ZBTB2: variants seen among roughly 807,000 people sequenced by gnomAD.
The protein encoded by ZBTB2 is zinc finger and BTB domain-containing protein 2.
Under a neutral mutation model 39.5 loss-of-function variants are expected in ZBTB2, and 2 were observed. That is an observed-to-expected ratio of 0.05 (90% CI 0.02 to 0.16). ZBTB2 has a LOEUF of 0.16. Among genes scored for constraint, ZBTB2 ranks in the 10% least tolerant of loss-of-function variants. ZBTB2 has a pLI of 1.00. For missense variants in ZBTB2, 391 were observed against 653.0 expected (o/e 0.60, Z 4.37); for synonymous variants, 251 against 256.6 (o/e 0.98, Z 0.21).
At chr6:151,378,967 G>A (rs1014319163) in intron 1 of ZBTB2, among the ~76,000 whole-genome samples, 5 of 152,196 alleles carry the variant, frequency 3.3e-5, no homozygotes, top group African/African-American at 9.7e-5. Flanking sequence ...GCTTGCCCAA[G>A]CTTATAGAAC....
Position 151,384,677 on chromosome 6 carries a change from T to C in ZBTB2, c.-13+6743A>G, listed in dbSNP as rs1384359193. ...TAATTTGGCGGGAAGAGCAAGAGGT[T>C]AGGTTCACACATGTTGGGTTTGAGA... On this transcript the variant is annotated intron_variant, in intron 1 of 2. Coordinates refer to ENST00000325144, the MANE Select transcript of ZBTB2 (RefSeq NM_020861.3). Among the ~76,000 whole-genome samples, 4 of 152,254 alleles carry C rather than the reference T, an allele frequency of 2.6e-5. No homozygotes were observed. The East Asian group carries it at 7.7e-4, about 29-fold the overall frequency.
intron 1 of ZBTB2, among the ~76,000 whole-genome samples, chr6:151,380,300 T>A (rs936487227): frequency 1.3e-5 from 2 of 152,202 alleles, no homozygotes; most frequent in African/African-American, 4.8e-5. Context: ...GACTGTTCCA[T>A]ATGTGAACTG....
intron 2 of ZBTB2, among the ~76,000 whole-genome samples, chr6:151,370,633 TA>T (rs906938425): frequency 3.8e-4 from 58 of 152,354 alleles, no homozygotes; most frequent in African/African-American, 1.2e-3. Context: ...GTAGTAGACA[TA>T]AGACAGGGAC....
intron 2 of ZBTB2, among the ~76,000 whole-genome samples, chr6:151,369,755 C>CT (rs1465822250): frequency 6.6e-6 from 1 of 152,118 alleles, no homozygotes; most frequent in Admixed American, 6.5e-5. Context: ...GGTGGATCAC[C>CT]TGGGGTCAGG....
At chr6:151,374,623 A>G (rs989249890) in intron 1 of ZBTB2, among the ~76,000 whole-genome samples, 1 of 152,142 alleles carries the variant, frequency 6.6e-6, no homozygotes, top group South Asian at 2.1e-4. Flanking sequence ...CCTTCTCCAT[A>G]AGATTGGGAA....
chr6:151,372,207 T>G (rs2114858768), intron 2 of ZBTB2, among the ~76,000 whole-genome samples: 1 of 152,204 alleles, frequency 6.6e-6, no homozygotes, highest in Non-Finnish European at 1.5e-5. Flanking sequence ...GACAACCACT[T>G]AAGAAGGAAG....
At chr6:151,386,949 TAAC>T (rs1779170331) in intron 1 of ZBTB2, among the ~76,000 whole-genome samples, 1 of 152,194 alleles carries the variant, frequency 6.6e-6, no homozygotes, top group Non-Finnish European at 1.5e-5. Context: ...TTTTCTAAAA[TAAC>T]AAAGTGGTGT....
At chr6:151,390,265 C>A (rs1779255789) in intron 1 of ZBTB2, among the ~76,000 whole-genome samples, 1 of 148,934 alleles carries the variant, frequency 6.7e-6, no homozygotes, top group African/African-American at 2.5e-5. Flanking sequence ...CCGCAACAGC[C>A]ACCTCGTCCC....
intron 1 of ZBTB2, among the ~76,000 whole-genome samples, chr6:151,374,928 A>C (rs1364596378): frequency 7.8e-6 from 1 of 128,280 alleles, no homozygotes; most frequent in Non-Finnish European, 1.7e-5. Context: ...CCCCGTCTCT[A>C]CTAAAAAAAA....
At position 151,366,503 on chromosome 6, in the gene ZBTB2, T is replaced by A. The variant is rs1778654959; in HGVS notation, c.563A>T (p.Asn188Ile). 6.2e-7 allele frequency: 1 copy of A among 1,614,076 alleles called. No individual in the cohort carries two copies. Among genetic ancestry groups the A allele is most frequent in the African/African-American group, 1.3e-5 (1 of 75,018 alleles). Residue 188 changes from asparagine to isoleucine, a missense_variant, in exon 3 of 3, where the codon AAT becomes ATT. Coordinates refer to ENST00000325144, the MANE Select transcript of ZBTB2 (RefSeq NM_020861.3). This position sits in a 1 kb window ranked among gnomAD's most constrained non-coding sequence, Gnocchi z 7.1. ...SQLTSNLAQVNRTNMTPSDPL... is the reference protein window; with the variant it reads ...SQLTSNLAQVIRTNMTPSDPL... ...GTCTGAGGGAGTCATATTTGTCCGA[T>A]TCACCTGGGCCAGATTTGAAGTCAG...
intron 1 of ZBTB2, among the ~76,000 whole-genome samples, chr6:151,387,440 C>T (rs780608471): frequency 4.6e-5 from 7 of 152,126 alleles, no homozygotes; most frequent in Non-Finnish European, 5.9e-5. Context: ...TCATTGAATC[C>T]TGAAAGGATC....
chr6:151,367,245 C>T (rs933790423), intron 2 of ZBTB2, among the ~76,000 whole-genome samples: 1 of 151,924 alleles, frequency 6.6e-6, no homozygotes, highest in African/African-American at 2.4e-5. Flanking sequence ...CTCAGCCTCC[C>T]GAGTAGCTGG....
intron 1 of ZBTB2, among the ~76,000 whole-genome samples, chr6:151,384,822 C>T (rs1779118461): frequency 6.6e-6 from 1 of 152,166 alleles, no homozygotes; most frequent in Admixed American, 6.5e-5. Context: ...TAAATCACTA[C>T]ACTGTAGTTG....
intron 2 of ZBTB2, among the ~76,000 whole-genome samples, chr6:151,368,593 A>G (rs1280819211): frequency 6.6e-6 from 1 of 151,614 alleles, no homozygotes; most frequent in Admixed American, 6.6e-5. Flanking sequence ...AGCTGGGATT[A>G]CAGGCGTGTG....
chr6:151,373,136 CAGAG>C (rs1404637907), intron 2 of ZBTB2, among the ~76,000 whole-genome samples: 2 of 109,884 alleles, frequency 1.8e-5, no homozygotes, highest in Non-Finnish European at 3.3e-5. Flanking sequence ...GCCTAGGCGA[CAGAG>C]AGAGACTCCG....
chr6:151,382,776 G>A lies in ZBTB2; in HGVS notation c.-13+8644C>T, dbSNP rs1286310280. 4.6e-5 allele frequency among the ~76,000 whole-genome samples: 7 copies of A among 151,622 alleles called. No individual in the cohort carries two copies. The East Asian group carries it at 9.7e-4, about 21-fold the overall frequency. On this transcript the variant is annotated intron_variant, in intron 1 of 2. Coordinates refer to ENST00000325144, the MANE Select transcript of ZBTB2 (RefSeq NM_020861.3). Reference sequence around the variant, plus strand: ...TTACCATGTTGGCCAGGTTGGTCTCGAATTCCTGACCTCAGGTGATCCACC... The same window carrying A: ...TTACCATGTTGGCCAGGTTGGTCTCAAATTCCTGACCTCAGGTGATCCACC...
chr6:151,380,629 G>A (rs1026300938), intron 1 of ZBTB2, among the ~76,000 whole-genome samples: 1 of 152,190 alleles, frequency 6.6e-6, no homozygotes, highest in Admixed American at 6.5e-5. Context: ...GGACTCAGTG[G>A]CTTACTCAGC....
chr6:151,372,880 T>C (rs1048826064), intron 2 of ZBTB2, among the ~76,000 whole-genome samples: 2 of 151,378 alleles, frequency 1.3e-5, no homozygotes, highest in African/African-American at 2.4e-5. Context: ...TCTTGCCGGG[T>C]GTGGTGGCTC....
chr6:151,376,856 G>A lies in ZBTB2; in HGVS notation c.-12-3207C>T, dbSNP rs541290728. 9.8e-5 allele frequency among the ~76,000 whole-genome samples: 15 copies of A among 152,302 alleles called. No individual in the cohort carries two copies. The East Asian group carries it at 2.9e-3, about 29-fold the overall frequency. ...TGCACTCCTGGACGTTTATCCCAGA[G>A]GAATGAAAACTTATGTTCACACAAA... On this transcript the variant is annotated intron_variant, in intron 1 of 2. Transcript: ENST00000325144.
Sources: gnomAD v4.1 joint callset for allele counts (sites outside exome capture counted in the v4.1 genomes callset) on GRCh38, gnomAD v4.1.1 for gene constraint, Gnocchi (gnomAD v3.1) non-coding constraint, MANE v1.5 for transcripts, NCBI Gene and HGNC (gene_info 2026-07-23, HGNC 2026-07-21) for gene names.